Variants in ARHGAP39 observed in about 807,000 individuals in gnomAD.
ARHGAP39 encodes the protein rho GTPase-activating protein 39.
Under a neutral mutation model 106.9 loss-of-function variants are expected in ARHGAP39, and 44 were observed. That is an observed-to-expected ratio of 0.41 (90% CI 0.32 to 0.53). ARHGAP39 has a LOEUF of 0.53. ARHGAP39 is among the 20% of genes least tolerant of loss of function. The pLI is 0.21. For missense variants in ARHGAP39, 1,496 were observed against 1,577.3 expected (o/e 0.95, Z 0.87); for synonymous variants, 768 against 693.2 (o/e 1.11, Z -1.69).
chr8:144,542,414 A>T (rs1817230969), intron 6 of ARHGAP39, among the ~76,000 whole-genome samples: 1 of 152,214 alleles, frequency 6.6e-6, no homozygotes, highest in South Asian at 2.1e-4. Context: ...AGGCTGAGGC[A>T]GGCAGGGTGC....
At chr8:144,623,317 G>A (rs1820851856) in intron 1 of ARHGAP39, among the ~76,000 whole-genome samples, 1 of 152,164 alleles carries the variant, frequency 6.6e-6, no homozygotes, top group East Asian at 1.9e-4. Context: ...GAAAGATGGT[G>A]GAAATAAATT....
At chr8:144,587,141 G>C (rs186043356) in intron 2 of ARHGAP39, among the ~76,000 whole-genome samples, 8,072 of 152,282 alleles carry the variant, frequency 0.053, 399 homozygotes, top group African/African-American at 0.13. Flanking sequence ...CTGGGTGCCC[G>C]CAGCCATGCG....
chr8:144,665,598 G>A lies in ARHGAP39; in HGVS notation c.-82+20088C>T, dbSNP rs1030046101. Among the ~76,000 whole-genome samples, 10 of 152,178 alleles carry A rather than the reference G, an allele frequency of 6.6e-5. No homozygotes were observed. In the East Asian group the frequency reaches 1.2e-3, roughly 18 times the overall value. The stretch of plus-strand genomic sequence containing the variant: ...GCCCTCTGTCCCAGCCTCTCCAATC[G>A]TGGCTGAAAGAGACCAACATAAAGC... On this transcript the variant is annotated intron_variant, in intron 1 of 11. Transcript: ENST00000377307.
Position 144,685,829 on chromosome 8 carries a change from G to A in ARHGAP39, c.-225C>T, listed in dbSNP as rs539318562. On this transcript the variant is annotated 5_prime_UTR_variant, in exon 1 of 12. Coordinates refer to ENST00000377307, the MANE Select transcript of ARHGAP39 (RefSeq NM_025251.3). Reference sequence around the variant, plus strand: ...CGTGCTGTCGGCGTCCTCCGCCGCCGCCGCCGGCCCAGTGCGCGGCGGCCG... The same window carrying A: ...CGTGCTGTCGGCGTCCTCCGCCGCCACCGCCGGCCCAGTGCGCGGCGGCCG... 4.1e-4 allele frequency among the ~76,000 whole-genome samples: 60 copies of A among 147,960 alleles called. No homozygotes were observed. The East Asian group carries it at 0.011, about 27-fold the overall frequency.
rs962223737 is a variant in ARHGAP39 at position 144,547,436 on chromosome 8, G to C, written c.1650C>G (p.Ala550=). 10 of 1,581,534 alleles carry C rather than the reference G, an allele frequency of 6.3e-6. No homozygotes were observed. In the African/African-American group the frequency reaches 1.3e-4, roughly 21 times the overall value. The change falls in exon 5 of 12, where the codon GCC becomes GCG. Residue 550 remains alanine (A), a synonymous_variant. Transcript: ENST00000377307. This position sits in a 1 kb window ranked among gnomAD's most constrained non-coding sequence, Gnocchi z 5.2. ...EGEAEGARGA[A]EPFLAQARLA... ...GCCGAGCCTGCGCCAGGAAGGGCTCGGCCGCGCCCCGCGCCCCTTCGGCCT... is the reference window on the plus strand; with the variant it reads ...GCCGAGCCTGCGCCAGGAAGGGCTCCGCCGCGCCCCGCGCCCCTTCGGCCT...
At chr8:144,565,685 CT>C (rs2130876160) in intron 3 of ARHGAP39, among the ~76,000 whole-genome samples, 1 of 152,154 alleles carries the variant, frequency 6.6e-6, no homozygotes, top group East Asian at 1.9e-4. Flanking sequence ...GAGATTCCAT[CT>C]TAAAAAACAA....
intron 3 of ARHGAP39, among the ~76,000 whole-genome samples, chr8:144,577,833 A>C (rs571280670): frequency 6.6e-6 from 1 of 152,368 alleles, no homozygotes; most frequent in East Asian, 1.9e-4. Context: ...AAAGGACTGT[A>C]AACTAGAAAA....
At chr8:144,580,732 A>G in intron 3 of ARHGAP39, 114 bp downstream of exon 3, 1 of 1,016,162 alleles carries the variant, frequency 9.8e-7, no homozygotes, top group Non-Finnish European at 1.2e-6. Flanking sequence ...CCCGCCCACC[A>G]CCTTCACCAG....
At position 144,619,570 on chromosome 8, in the gene ARHGAP39, G is replaced by A. The variant is rs540141839; in HGVS notation, c.-81-13875C>T. Among the ~76,000 whole-genome samples the A allele has an allele frequency of 5.3e-5, 8 of 151,850 alleles. No homozygotes were observed. The South Asian group carries it at 6.2e-4, about 12-fold the overall frequency. On this transcript the variant is annotated intron_variant, in intron 1 of 11. Transcript: ENST00000377307. ...TGTGTCCGAGACAGCGTGAGTACCC[G>A]TGTGTGTGTGAGACTGTGTGTCCCT...
At chr8:144,651,773 T>A (rs1179050468) in intron 1 of ARHGAP39, among the ~76,000 whole-genome samples, 1 of 151,970 alleles carries the variant, frequency 6.6e-6, no homozygotes, top group Non-Finnish European at 1.5e-5. Context: ...GATAAGGCAA[T>A]CCTAAGCAAA....
intron 1 of ARHGAP39, among the ~76,000 whole-genome samples, chr8:144,627,730 C>T (rs140373553): frequency 6.6e-6 from 1 of 152,234 alleles, no homozygotes; most frequent in Non-Finnish European, 1.5e-5. Flanking sequence ...TGCACTTCAG[C>T]CTGGGCAACA....
chr8:144,672,676 T>C (rs574007003), intron 1 of ARHGAP39, among the ~76,000 whole-genome samples: 81 of 152,276 alleles, frequency 5.3e-4, no homozygotes, highest in Non-Finnish European at 1.1e-3. Context: ...TTAGTGTTGA[T>C]ATTAATTTTT....
At chr8:144,553,351 G>A (rs1223565448) in intron 4 of ARHGAP39, among the ~76,000 whole-genome samples, 1 of 152,178 alleles carries the variant, frequency 6.6e-6, no homozygotes, top group Non-Finnish European at 1.5e-5. Flanking sequence ...CTGGGTGCCT[G>A]CTCTCAACCA....
chr8:144,572,858 C>G (rs1042918982), intron 3 of ARHGAP39, among the ~76,000 whole-genome samples: 2 of 152,212 alleles, frequency 1.3e-5, no homozygotes, highest in African/African-American at 4.8e-5. Context: ...ATGCAGCCAA[C>G]AGACACATGA....
At chr8:144,598,544 C>T (rs2130926079) in intron 2 of ARHGAP39, among the ~76,000 whole-genome samples, 1 of 152,354 alleles carries the variant, frequency 6.6e-6, no homozygotes, top group East Asian at 1.9e-4. Context: ...CAGTGCCCCT[C>T]ACAGAGCACA....
chr8:144,537,511 C>T (rs1817005425), intron 7 of ARHGAP39, among the ~76,000 whole-genome samples: 1 of 152,182 alleles, frequency 6.6e-6, no homozygotes, highest in Non-Finnish European at 1.5e-5. Flanking sequence ...GCTCTGGACA[C>T]CACAAAGACA....
intron 3 of ARHGAP39, among the ~76,000 whole-genome samples, chr8:144,568,988 A>C (rs1818496121): frequency 6.6e-6 from 1 of 152,220 alleles, no homozygotes; most frequent in Admixed American, 6.5e-5. Context: ...CACTGTGTTA[A>C]TGGTCTAATC....
At chr8:144,689,186 G>A (rs958918631), upstream of ARHGAP39, among the ~76,000 whole-genome samples, 7 of 152,076 alleles carry the variant, frequency 4.6e-5, no homozygotes, top group African/African-American at 1.4e-4. Context: ...CTAGGGAGGT[G>A]CCCAGGGCTC....
chr8:144,547,891 C>G lies in ARHGAP39; in HGVS notation c.1195G>C (p.Val399Leu). ...PAGKEYVRQL[V>L]YVEQAGSSPK... is the part of the protein sequence containing the mutation. ...CTGGAGCCCGCCTGCTCCACGTAGA[C>G]CAGCTGCCGCACGTACTCCTTGCCG... The change falls in exon 5 of 12, where the codon GTC becomes CTC. Residue 399 changes from valine to leucine, a missense_variant. Val to Leu is a conservative substitution (Grantham distance 32). This residue lies in a region of ARHGAP39 where 905 missense variants were observed against 816.4 expected (regional missense o/e 1.11). Coordinates refer to ENST00000377307, the MANE Select transcript of ARHGAP39 (RefSeq NM_025251.3). The surrounding 1 kb of genome is among the most constrained non-coding windows in gnomAD (Gnocchi z 5.2). 1 of 1,583,426 alleles carries G rather than the reference C, an allele frequency of 6.3e-7. No individual in the cohort carries two copies. Among genetic ancestry groups the G allele is most frequent in the Non-Finnish European group, 8.6e-7 (1 of 1,165,534 alleles).
Sources: gnomAD v4.1 joint callset for allele counts (sites outside exome capture counted in the v4.1 genomes callset) on GRCh38, gnomAD v4.1.1 for gene constraint, gnomAD v4.1.1 regional missense constraint, Gnocchi (gnomAD v3.1) non-coding constraint, MANE v1.5 for transcripts, NCBI Gene and HGNC (gene_info 2026-07-23, HGNC 2026-07-21) for gene names.